Variants in PHF21B observed in about 807,000 individuals in gnomAD.
The protein encoded by PHF21B is PHD finger protein 4.
In PHF21B, 22 loss-of-function variants were observed where a neutral mutation model predicts 62.2. That is an observed-to-expected ratio of 0.35 (90% CI 0.25 to 0.51). The LOEUF is 0.51. Among genes scored for constraint, PHF21B ranks in the 20% least tolerant of loss-of-function variants. PHF21B has a pLI of 0.97. For synonymous variants in PHF21B, 341 were observed against 314.7 expected, an observed-to-expected ratio of 1.08 and a Z score of -0.88; for missense variants, 701 against 707.9, an observed-to-expected ratio of 0.99 and a Z score of 0.11.
rs1215769485 is a variant in PHF21B, at chr22:45,009,434, CCCCCGACCCCCTCACCCCGCAACACACT to C, written c.54+34_54+61del. 9.0e-6 allele frequency: 13 copies of C among 1,441,364 alleles called. No homozygotes were observed. The African/African-American group carries it at 1.6e-4, about 18-fold the overall frequency. The allele number at this position is 1,441,364 out of a possible 1,614,324, so 89.3% of individuals were successfully genotyped here. A position where few individuals can be genotyped will look rare whatever the true frequency, so the allele number is the denominator to read the frequency against. ...GGAAGAGAGGATGCTGGGCTCGGGT[CCCCCGACCCCCTCACCCCGCAACACACT>C]CCCCGGCCCCGGGCCCGGCCCCCGG... On this transcript the variant is annotated intron_variant, in intron 1 of 12. Coordinates refer to ENST00000313237, the MANE Select transcript of PHF21B (RefSeq NM_138415.5). The surrounding 1 kb of genome is among the most constrained non-coding windows in gnomAD (Gnocchi z 5.9).
At chr22:44,914,417 C>T (rs2071400041) in intron 4 of PHF21B, among the ~76,000 whole-genome samples, 1 of 152,218 alleles carries the variant, frequency 6.6e-6, no homozygotes, top group Non-Finnish European at 1.5e-5. Flanking sequence ...GGTTGGTCAT[C>T]AGTGAAACTG....
chr22:44,997,741 C>G (rs1191242946), intron 2 of PHF21B, among the ~76,000 whole-genome samples: 2 of 152,154 alleles, frequency 1.3e-5, no homozygotes, highest in African/African-American at 4.8e-5. Context: ...CTTTCTCTCC[C>G]TTCCCCTCCT....
intron 12 of PHF21B, among the ~76,000 whole-genome samples, chr22:44,883,929 A>G (rs2070782710): frequency 6.6e-6 from 1 of 152,122 alleles, no homozygotes; most frequent in African/African-American, 2.4e-5. Flanking sequence ...CGCTACCATC[A>G]CCATCCTCTA....
chr22:44,934,639 G>A (rs545240712), intron 2 of PHF21B, among the ~76,000 whole-genome samples: 1 of 152,294 alleles, frequency 6.6e-6, no homozygotes, highest in African/African-American at 2.4e-5. Context: ...GGGGCTCTAG[G>A]AGTTTCCAAG....
At chr22:44,948,017 C>CCCGCTGTTGTCCCTCCTCT in intron 2 of PHF21B, among the ~76,000 whole-genome samples, 1 of 152,098 alleles carries the variant, frequency 6.6e-6, no homozygotes, top group Non-Finnish European at 1.5e-5. Context: ...GTCCCTCCTC[C>CCCGCTGTTGTCCCTCCTCT]CCACTGCTGT....
At chr22:44,968,264 A>G (rs571771479) in intron 2 of PHF21B, among the ~76,000 whole-genome samples, 2 of 152,276 alleles carry the variant, frequency 1.3e-5, no homozygotes, top group South Asian at 2.1e-4. Flanking sequence ...TTATTGAATC[A>G]TTTATTTGCA....
At chr22:44,896,880 G>GTCTTTTTTT (rs1555933164) in intron 5 of PHF21B, among the ~76,000 whole-genome samples, 1 of 84,092 alleles carries the variant, frequency 1.2e-5, no homozygotes, top group Admixed American at 1.5e-4. Context: ...AGTTTTATCT[G>GTCTTTTTTT]TTTTTTTTTT....
At chr22:44,952,106 G>A (rs1156843870) in intron 2 of PHF21B, among the ~76,000 whole-genome samples, 2 of 152,178 alleles carry the variant, frequency 1.3e-5, no homozygotes, top group Admixed American at 1.3e-4. Flanking sequence ...ACCTATGGAG[G>A]CCAAGGCAGG....
chr22:44,985,671 G>T (rs375422999), intron 2 of PHF21B, among the ~76,000 whole-genome samples: 1 of 152,146 alleles, frequency 6.6e-6, no homozygotes, highest in Admixed American at 6.5e-5. Flanking sequence ...GAGATAATAT[G>T]GGAGATAATA....
intron 3 of PHF21B, among the ~76,000 whole-genome samples, chr22:44,916,851 T>C (rs925613494): frequency 6.6e-6 from 1 of 152,210 alleles, no homozygotes; most frequent in African/African-American, 2.4e-5. Flanking sequence ...GGGGCTGCTC[T>C]GGACCCACGG....
intron 2 of PHF21B, among the ~76,000 whole-genome samples, chr22:44,978,725 C>T (rs2072783452): frequency 6.6e-6 from 1 of 152,230 alleles, no homozygotes; most frequent in Non-Finnish European, 1.5e-5. Flanking sequence ...AGAATGACCG[C>T]CCTTTTTTCC....
At chr22:44,956,842 G>A (rs773860290) in intron 2 of PHF21B, among the ~76,000 whole-genome samples, 29 of 152,082 alleles carry the variant, frequency 1.9e-4, no homozygotes, top group Admixed American at 9.2e-4. Context: ...CTCCTCCTCC[G>A]ACCTCCCTCC....
intron 2 of PHF21B, chr22:45,003,460 C>A (rs1193495820): frequency 6.6e-6 from 1 of 152,264 alleles, no homozygotes; most frequent in Non-Finnish European, 1.5e-5. Context: ...AGGCTAAGAA[C>A]GCCGCAGAGG....
chr22:44,960,302 T>C (rs147355648), intron 2 of PHF21B, among the ~76,000 whole-genome samples: 72 of 152,268 alleles, frequency 4.7e-4, no homozygotes, highest in African/African-American at 1.6e-3. Flanking sequence ...CGGTGTCAGA[T>C]GACATCAAGA....
chr22:44,893,024 G>A (rs562130890), intron 7 of PHF21B, among the ~76,000 whole-genome samples: 9 of 152,148 alleles, frequency 5.9e-5, no homozygotes, highest in East Asian at 1.9e-4. Context: ...CTTTCTTTAC[G>A]GTGCCCGCCT....
At chr22:44,967,004 G>A (rs5766240) in intron 2 of PHF21B, 114,828 of 152,006 alleles carry the variant, frequency 0.76, 43,913 homozygotes, top group East Asian at 0.86. Context: ...CACAGGTAAA[G>A]ACGACCACAC....
Position 44,916,347 on chromosome 22 carries a change from C to T in PHF21B, c.497G>A (p.Ser166Asn). 1 of 1,598,340 alleles carries T rather than the reference C, an allele frequency of 6.3e-7. No homozygotes were observed. ...GTCACTGACCACAGACACGGCGGTGCTGGGGGCCATGGCGGCGGCATTGCT... is the reference window on the plus strand; with the variant it reads ...GTCACTGACCACAGACACGGCGGTGTTGGGGGCCATGGCGGCGGCATTGCT... ...SPSNAAAMAPSTAVSVVSDSI... is the reference protein window; with the variant it reads ...SPSNAAAMAPNTAVSVVSDSI... The change falls in exon 4 of 13, where the codon AGC becomes AAC. Residue 166 changes from serine to asparagine, a missense_variant. By Grantham distance (46) the Ser-to-Asn change is conservative. Coordinates refer to ENST00000313237, the MANE Select transcript of PHF21B (RefSeq NM_138415.5).
At chr22:44,992,922 G>A (rs1397417754) in intron 2 of PHF21B, among the ~76,000 whole-genome samples, 2 of 152,086 alleles carry the variant, frequency 1.3e-5, no homozygotes, top group African/African-American at 2.4e-5. Flanking sequence ...GTAGAGCCTC[G>A]TCCCCATTTT....
chr22:44,917,647 G>C (rs959478674), intron 3 of PHF21B, among the ~76,000 whole-genome samples: 1 of 152,210 alleles, frequency 6.6e-6, no homozygotes, highest in South Asian at 2.1e-4. Flanking sequence ...GCATAATGGA[G>C]CCTCACCGGT....
Sources: allele counts gnomAD v4.1 joint callset (sites outside exome capture counted in the v4.1 genomes callset), GRCh38; gene constraint gnomAD v4.1.1; non-coding constraint Gnocchi (gnomAD v3.1); transcripts MANE v1.5; gene names NCBI Gene and HGNC (gene_info 2026-07-23, HGNC 2026-07-21).